HFM1: variants seen among roughly 807,000 people sequenced by gnomAD.
HFM1 encodes the protein helicase for meiosis 1.
HFM1 carries 169 observed loss-of-function variants against 192.1 expected under a neutral mutation model. The ratio of observed to expected loss-of-function variants is 0.88; its 90% CI spans 0.78 to 1.00. HFM1 has a LOEUF of 1.00. HFM1 is among the 50% of genes least tolerant of loss of function. HFM1 has a pLI of 0.00. For missense variants in HFM1, 1,661 were observed against 1,668.0 expected (o/e 1.00, Z 0.07); for synonymous variants, 525 against 537.8 (o/e 0.98, Z 0.33).
At chr1:91,264,361 A>ATTTTTTTTTTTTTTTTT (rs71087940) in intron 36 of HFM1, among the ~76,000 whole-genome samples, 579 of 57,094 alleles carry the variant, frequency 0.01, 140 homozygotes, top group African/African-American at 0.022. Flanking sequence ...CAAATTTAGT[A>ATTTTTTTTTTTTTTTTT]TTTTTTTTTT....
chr1:91,293,522 T>C (rs1001894555), intron 30 of HFM1, among the ~76,000 whole-genome samples: 1 of 150,170 alleles, frequency 6.7e-6, no homozygotes, highest in South Asian at 2.1e-4. Flanking sequence ...CCAGTTAGAA[T>C]GGCAATCATT....
At position 91,375,670 on chromosome 1, in the gene HFM1, TC is replaced by T. The variant is rs757777440; in HGVS notation, c.1452del (p.Ser485AlafsTer5). 31 of 1,613,276 alleles carry T rather than the reference TC, an allele frequency of 1.9e-5. No individual in the cohort carries two copies. Among genetic ancestry groups the T allele is most frequent in the Non-Finnish European group, 8.5e-7 (1 of 1,179,538 alleles). On this transcript the variant is annotated frameshift_variant, in exon 12 of 39. Coordinates refer to ENST00000370425, the MANE Select transcript of HFM1 (RefSeq NM_001017975.6). LOFTEE classifies it high-confidence loss of function. ...TTCTGAAGTTTCACTGGTCTATGGC[TC>T]TCATCCATTTTCAGACACACAGCTG... ...ERPAVCLKMDESHRPVKLQKV... is the reference protein window; with the variant it reads ...ERPAVCLKMDXSHRPVKLQKV...
intron 30 of HFM1, among the ~76,000 whole-genome samples, chr1:91,291,103 A>G (rs887008801): frequency 2.6e-5 from 4 of 152,226 alleles, no homozygotes; most frequent in African/African-American, 4.8e-5. Context: ...AAAGCAGAAA[A>G]GATCCAAAAT....
intron 13 of HFM1, among the ~76,000 whole-genome samples, chr1:91,354,427 T>A (rs282062): frequency 6.6e-6 from 1 of 152,022 alleles, no homozygotes; most frequent in Admixed American, 6.6e-5. Context: ...GTTTATTTAA[T>A]AAAATAATTG....
Position 91,379,196 on chromosome 1 carries a change from A to C in HFM1, c.1025T>G (p.Leu342Trp). Reference protein sequence around the residue: ...KIVYMAPIKALCSQRFDDWKE... With the variant: ...KIVYMAPIKAWCSQRFDDWKE... ...CCAGTCATCAAAACGCTGACTGCAC[A>C]AGGCTTTTATTGGTGCCACTGTAAC... The change falls in exon 9 of 39, where the codon TTG becomes TGG. Residue 342 changes from leucine (L) to tryptophan (W), a missense_variant. Transcript: ENST00000370425. The C allele has an allele frequency of 6.2e-7, 1 of 1,606,564 alleles. No homozygotes were observed. Among genetic ancestry groups the C allele is most frequent in the Non-Finnish European group, 8.5e-7 (1 of 1,177,358 alleles).
chr1:91,339,079 T>TA (rs1654990709), intron 20 of HFM1: 2 of 453,180 alleles, frequency 4.4e-6, no homozygotes, highest in African/African-American at 4.0e-5. Context: ...ACAGTAAATC[T>TA]CAATGACATC....
intron 30 of HFM1, among the ~76,000 whole-genome samples, chr1:91,311,952 T>G (rs1650526023): frequency 6.6e-6 from 1 of 152,146 alleles, no homozygotes; most frequent in Non-Finnish European, 1.5e-5. Context: ...AACATACAGC[T>G]CCAGCTGTGG....
At position 91,401,033 on chromosome 1, in the gene HFM1, T is replaced by C; in HGVS notation, c.50A>G (p.Glu17Gly). 1 of 1,548,902 alleles carries C rather than the reference T, an allele frequency of 6.5e-7. No individual in the cohort carries two copies. Among genetic ancestry groups the C allele is most frequent in the Non-Finnish European group, 8.7e-7 (1 of 1,146,832 alleles). Residue 17 changes from glutamate to glycine, a missense_variant, in exon 2 of 39, where the codon GAA becomes GGA. Glu to Gly is a moderately conservative substitution (Grantham distance 98). Coordinates refer to ENST00000370425, the MANE Select transcript of HFM1 (RefSeq NM_001017975.6). ...TTACTTTTCAACTTCATCTGGTTTTTCAAAAAACAAATTTTCCAAAGAAAA... is the reference window on the plus strand; with the variant it reads ...TTACTTTTCAACTTCATCTGGTTTTCCAAAAAACAAATTTTCCAAAGAAAA... ...CLFSLENLFF[E>G]KPDEVENHPD...
intron 20 of HFM1, among the ~76,000 whole-genome samples, chr1:91,330,470 G>C (rs1653657867): frequency 6.6e-6 from 1 of 151,950 alleles, no homozygotes; most frequent in Non-Finnish European, 1.5e-5. Flanking sequence ...CCCAAAACCT[G>C]AACAGAAAAA....
intron 20 of HFM1, among the ~76,000 whole-genome samples, chr1:91,332,094 G>GA (rs372031377): frequency 4.1e-4 from 62 of 150,336 alleles, no homozygotes; most frequent in African/African-American, 1.2e-3. Context: ...CACAGAAAGG[G>GA]AAAAAAAAAT....
intron 30 of HFM1, 75 bp downstream of exon 30, chr1:91,313,274 G>A (rs919761383): frequency 1.3e-6 from 1 of 764,376 alleles, no homozygotes; most frequent in Non-Finnish European, 2.1e-6. Flanking sequence ...GAGTGTTGCA[G>A]TACTATAACA....
At chr1:91,344,049 C>T (rs553852169) in intron 19 of HFM1, among the ~76,000 whole-genome samples, 3 of 152,316 alleles carry the variant, frequency 2.0e-5, no homozygotes, top group Non-Finnish European at 4.4e-5. Context: ...AGTTCTTCCC[C>T]TCCTCCCTGT....
intron 36 of HFM1, among the ~76,000 whole-genome samples, chr1:91,264,227 G>C (rs972776311): frequency 1.3e-5 from 2 of 152,058 alleles, no homozygotes; most frequent in African/African-American, 4.8e-5. Context: ...GATCCAGTGA[G>C]AGGGAGACTA....
rs1657097512 is a variant in HFM1, at chr1:91,352,604, C to T, written c.1879G>A (p.Val627Ile). 6.2e-7 allele frequency: 1 copy of T among 1,608,990 alleles called. No homozygotes were observed. The highest frequency in any genetic ancestry group is 8.5e-7 in the Non-Finnish European group (1 of 1,176,958). The stretch of plus-strand genomic sequence containing the variant: ...TAATGCATTGTAGATTTTATAACTA[C>T]TAGGTGAGCAGGCAAATTTACTCCC... ...AMGVNLPAHL[V>I]VIKSTMHYAG... The change falls in exon 16 of 39, where the codon GTA (valine) becomes ATA (isoleucine). Residue 627 changes from valine (V) to isoleucine (I), a missense_variant. Coordinates refer to ENST00000370425, the MANE Select transcript of HFM1 (RefSeq NM_001017975.6).
At chr1:91,338,773 C>T (rs1264778483) in intron 20 of HFM1, among the ~76,000 whole-genome samples, 1 of 152,170 alleles carries the variant, frequency 6.6e-6, no homozygotes, top group East Asian at 1.9e-4. Context: ...TGCTGATACA[C>T]TGCAAACATG....
At position 91,378,924 on chromosome 1, in the gene HFM1, T is replaced by C. The variant is rs1571178237; in HGVS notation, c.1158+139A>G. The stretch of plus-strand genomic sequence containing the variant: ...GGTATTCTGTCTGTACCTTGAATTG[T>C]AGTATTTTTTTAATGTTTGTTTGTT... On this transcript the variant is annotated intron_variant, in intron 9 of 38. Transcript: ENST00000370425. 7.3e-6 allele frequency: 4 copies of C among 548,088 alleles called. 1 individual carries two copies. Among genetic ancestry groups the C allele is most frequent in the Middle Eastern group, 9.7e-4 (2 of 2,066 alleles). The allele number at this position is 548,088 out of a possible 1,614,324, so 34.0% of individuals were successfully genotyped here.
intron 29 of HFM1, among the ~76,000 whole-genome samples, 169 bp from the exon 30 acceptor site, chr1:91,313,664 A>G (rs1039330242): frequency 3.3e-5 from 5 of 152,142 alleles, no homozygotes; most frequent in Admixed American, 2.0e-4. Context: ...AAAAAATTAT[A>G]TATTTATCAT....
intron 30 of HFM1, among the ~76,000 whole-genome samples, chr1:91,297,793 G>A (rs955671512): frequency 2.0e-5 from 3 of 152,114 alleles, no homozygotes; most frequent in Non-Finnish European, 2.9e-5. Context: ...CCATCTGTTC[G>A]TCACCATCAT....
intron 23 of HFM1, 139 bp downstream of exon 23, chr1:91,322,811 G>C (rs1570947758): frequency 2.1e-6 from 1 of 472,042 alleles, no homozygotes; most frequent in Non-Finnish European, 3.6e-6. Context: ...CAATTTTAAA[G>C]TCTGAGAGTT....
Sources: gnomAD v4.1 joint callset for allele counts (sites outside exome capture counted in the v4.1 genomes callset) on GRCh38, gnomAD v4.1.1 for gene constraint, MANE v1.5 for transcripts, NCBI Gene and HGNC (gene_info 2026-07-23, HGNC 2026-07-21) for gene names.